Variants in FAM110B observed in about 807,000 individuals in gnomAD.
FAM110B encodes the protein family with sequence similarity 110 member B, also known as protein FAM110B.
Under a neutral mutation model 20.4 loss-of-function variants are expected in FAM110B, and 6 were observed. The ratio of observed to expected loss-of-function variants is 0.29; its 90% CI spans 0.16 to 0.58. The LOEUF (loss-of-function observed/expected upper bound fraction) is 0.58, where lower values mean the gene tolerates loss of function less well. FAM110B is among the 20% of genes least tolerant of loss of function. The pLI, the probability that FAM110B is intolerant of heterozygous loss-of-function variation, is 0.90. For synonymous variants in FAM110B, 226 were observed against 214.1 expected, an observed-to-expected ratio of 1.06 and a Z score of -0.49; for missense variants, 434 against 498.2, an observed-to-expected ratio of 0.87 and a Z score of 1.23.
intron 2 of FAM110B, among the ~76,000 whole-genome samples, chr8:58,038,031 T>C (rs2150575447): frequency 6.6e-6 from 1 of 152,324 alleles, no homozygotes; most frequent in Non-Finnish European, 1.5e-5. Context: ...TTGTACCAAA[T>C]GAATTCTAGA....
At chr8:58,012,870 G>A (rs1804566710) in intron 1 of FAM110B, among the ~76,000 whole-genome samples, 1 of 152,156 alleles carries the variant, frequency 6.6e-6, no homozygotes, top group South Asian at 2.1e-4. Flanking sequence ...TGGGGTCCCG[G>A]TATCCTCCCC....
chr8:57,995,313 A>T (rs530232194), intron 1 of FAM110B, among the ~76,000 whole-genome samples: 96 of 152,332 alleles, frequency 6.3e-4, no homozygotes, highest in African/African-American at 2.2e-3. Context: ...GAGAGTATCA[A>T]TACCACCTAA....
intron 1 of FAM110B, among the ~76,000 whole-genome samples, chr8:58,008,838 C>T (rs953042032): frequency 1.3e-5 from 2 of 152,190 alleles, no homozygotes; most frequent in African/African-American, 2.4e-5. Context: ...TGTGTTCTTG[C>T]AGCTGATGCT....
At chr8:58,059,579 C>T (rs954560815) in intron 2 of FAM110B, among the ~76,000 whole-genome samples, 1 of 150,176 alleles carries the variant, frequency 6.7e-6, no homozygotes, top group Non-Finnish European at 1.5e-5. Context: ...GTCTTTTGCC[C>T]CCTTTTTAAG....
intron 2 of FAM110B, among the ~76,000 whole-genome samples, chr8:58,056,060 A>G (rs951031697): frequency 6.6e-6 from 1 of 152,178 alleles, no homozygotes; most frequent in African/African-American, 2.4e-5. Flanking sequence ...CTGTTGTGTA[A>G]ATAAAGTTTT....
At chr8:58,089,697 A>C (rs994248248) in intron 3 of FAM110B, among the ~76,000 whole-genome samples, 5 of 152,222 alleles carry the variant, frequency 3.3e-5, no homozygotes, top group African/African-American at 1.2e-4. Context: ...GTACAGAGGC[A>C]CTGATGACAG....
intron 3 of FAM110B, among the ~76,000 whole-genome samples, chr8:58,124,065 T>G (rs1360090969): frequency 6.6e-6 from 1 of 152,216 alleles, no homozygotes; most frequent in Non-Finnish European, 1.5e-5. Flanking sequence ...TTGTTTCTGT[T>G]TCTGATTATT....
chr8:58,102,846 C>T (rs1405503475), intron 3 of FAM110B, among the ~76,000 whole-genome samples: 1 of 152,030 alleles, frequency 6.6e-6, no homozygotes, highest in African/African-American at 2.4e-5. Flanking sequence ...GGTACAGTAG[C>T]CATGCCATAA....
chr8:58,146,685 C>T lies in FAM110B; in HGVS notation c.455C>T (p.Thr152Ile), dbSNP rs779936754. ...TGGCCGCCCCACCGGTCGGAAGCCA[C>T]TGACCTGCACCGTCACTCCTTCGCG... ...RNWPPHRSEA[T>I]DLHRHSFAES... Residue 152 changes from threonine (T) to isoleucine (I), a missense_variant, in exon 4 of 4, where the codon ACT becomes ATT. Around this residue, in one of 3 missense-constraint regions of FAM110B, gnomAD observed 284 missense variants for 278.3 expected, o/e 1.02. Coordinates refer to ENST00000519262, the MANE Select transcript of FAM110B (RefSeq NM_001377989.1). 6.2e-7 allele frequency: 1 copy of T among 1,612,806 alleles called. No individual in the cohort carries two copies. The highest frequency in any genetic ancestry group is 8.5e-7 in the Non-Finnish European group (1 of 1,179,520).
At chr8:58,043,677 A>AT (rs764017354) in intron 2 of FAM110B, among the ~76,000 whole-genome samples, 2 of 152,066 alleles carry the variant, frequency 1.3e-5, no homozygotes, top group Non-Finnish European at 2.9e-5. Flanking sequence ...TTCTGCTTTG[A>AT]TTTTTTTACC....
At chr8:58,121,398 A>G (rs561317459) in intron 3 of FAM110B, among the ~76,000 whole-genome samples, 1 of 152,354 alleles carries the variant, frequency 6.6e-6, no homozygotes, top group South Asian at 2.1e-4. Context: ...CCAAGCATCC[A>G]TATGAGAATG....
chr8:58,133,423 C>T (rs932380212), intron 3 of FAM110B, among the ~76,000 whole-genome samples: 1 of 152,192 alleles, frequency 6.6e-6, no homozygotes, highest in African/African-American at 2.4e-5. Context: ...CAGGCAGGAG[C>T]CAGGCAGCTG....
chr8:58,043,274 G>A (rs920402863), intron 2 of FAM110B: 2 of 152,154 alleles, frequency 1.3e-5, no homozygotes, highest in African/African-American at 2.4e-5. Flanking sequence ...CTGTGAGGAC[G>A]GCCACATCAA....
chr8:58,110,807 A>G (rs1239814242), intron 3 of FAM110B, among the ~76,000 whole-genome samples: 1 of 152,194 alleles, frequency 6.6e-6, no homozygotes, highest in Non-Finnish European at 1.5e-5. Flanking sequence ...CAATGATATG[A>G]CATTGTGCTA....
chr8:58,053,665 C>T (rs1304818758), intron 2 of FAM110B, among the ~76,000 whole-genome samples: 1 of 152,094 alleles, frequency 6.6e-6, no homozygotes, highest in Non-Finnish European at 1.5e-5. Context: ...ATATTTTAGA[C>T]CAGAGTTTTG....
intron 3 of FAM110B, among the ~76,000 whole-genome samples, chr8:58,108,749 C>A (rs1806981391): frequency 6.6e-6 from 1 of 152,228 alleles, no homozygotes; most frequent in Non-Finnish European, 1.5e-5. Context: ...ACTGTTCCTT[C>A]TGCTCAGAGG....
chr8:58,125,025 C>T (rs1266159616), intron 3 of FAM110B, among the ~76,000 whole-genome samples: 2 of 152,068 alleles, frequency 1.3e-5, no homozygotes, highest in African/African-American at 2.4e-5. Flanking sequence ...TAGAATTGTT[C>T]TGCTTAGATT....
intron 3 of FAM110B, among the ~76,000 whole-genome samples, chr8:58,103,245 A>C (rs976135117): frequency 2.1e-4 from 32 of 152,094 alleles, no homozygotes; most frequent in African/African-American, 7.7e-4. Flanking sequence ...ATATGTATAC[A>C]TGTGCCATGC....
At chr8:58,061,806 C>G (rs1025672679) in intron 2 of FAM110B, among the ~76,000 whole-genome samples, 3 of 152,200 alleles carry the variant, frequency 2.0e-5, no homozygotes, top group African/African-American at 2.4e-5. Flanking sequence ...AGAGAACCCA[C>G]ATCTGCAAAA....
Sources: gnomAD v4.1 joint callset for allele counts (sites outside exome capture counted in the v4.1 genomes callset) on GRCh38, gnomAD v4.1.1 for gene constraint, gnomAD v4.1.1 regional missense constraint, MANE v1.5 for transcripts, NCBI Gene and HGNC (gene_info 2026-07-23, HGNC 2026-07-21) for gene names.